PFKL: variants seen among roughly 807,000 people sequenced by gnomAD.
The protein encoded by PFKL is ATP-dependent 6-phosphofructokinase, liver type.
A neutral mutation model predicts 92.1 loss-of-function variants in PFKL; 74 were observed. That is an observed-to-expected ratio of 0.80 (90% confidence interval 0.67 to 0.97). The LOEUF (loss-of-function observed/expected upper bound fraction) is 0.97. PFKL is among the 50% of genes least tolerant of loss of function. The pLI is 0.00. For missense variants in PFKL, 1,028 were observed against 1,116.6 expected (o/e 0.92, Z 1.13); for synonymous variants, 494 against 456.4 (o/e 1.08, Z -1.05).
chr21:44,325,099 CG>C (rs1357976582), intron 18 of PFKL, 53 bp from the exon 19 acceptor site: 3 of 1,334,852 alleles, frequency 2.2e-6, no homozygotes, highest in Non-Finnish European at 3.2e-6. Flanking sequence ...GACTCAGGAT[CG>C]GGGGGAGACC....
Position 44,313,033 on chromosome 21 carries a change from A to T in PFKL, c.483A>T (p.Leu161=). ...ACTCGCACCTGAACATCGCGGGCCTAGTGGGCTCCATCGATAACGACTTCT... is the reference window on the plus strand; with the variant it reads ...ACTCGCACCTGAACATCGCGGGCCTTGTGGGCTCCATCGATAACGACTTCT... The part of the protein sequence containing the change: ...RTYSHLNIAG[L]VGSIDNDFCG... Residue 161 remains leucine, a synonymous_variant, in exon 5 of 22, where the codon CTA becomes CTT. Coordinates refer to ENST00000349048, the MANE Select transcript of PFKL (RefSeq NM_002626.6). The T allele has an allele frequency of 6.2e-7, 1 of 1,613,130 alleles. No homozygotes were observed. Among genetic ancestry groups the T allele is most frequent in the South Asian group, 1.1e-5 (1 of 91,074 alleles).
chr21:44,300,260 C>A (rs1342449868), intron 1 of PFKL, 70 bp downstream of exon 1: 2 of 752,744 alleles, frequency 2.7e-6, no homozygotes, highest in African/African-American at 1.9e-5. Flanking sequence ...CTCTCCGGAG[C>A]GCCCGCCGAG....
rs747204872 is a variant in PFKL at position 44,313,078 on chromosome 21, C to T, written c.528C>T (p.Ile176=). The change falls in exon 5 of 22, where the codon ATC becomes ATT. Residue 176 remains isoleucine, a synonymous_variant. Transcript: ENST00000349048. The part of the protein sequence containing the change: ...DNDFCGTDMT[I]GTDSALHRIM... ...ACTTCTGCGGCACCGACATGACCATCGGCACGGACTCGGCCCTCCACCGCA... is the reference window on the plus strand; with the variant it reads ...ACTTCTGCGGCACCGACATGACCATTGGCACGGACTCGGCCCTCCACCGCA... 13 of 1,613,182 alleles carry T rather than the reference C, an allele frequency of 8.1e-6. No homozygotes were observed. The highest frequency in any genetic ancestry group is 2.2e-5 in the South Asian group (2 of 91,090).
rs148331252 is a variant in PFKL, at chr21:44,321,741, C to T, written c.1204C>T (p.Leu402=). Residue 402 remains leucine, a synonymous_variant, in exon 13 of 22, where the codon CTG becomes TTG. Transcript: ENST00000349048. ...CTTCTCTCTGAAGTCTAACTTCTCCCTGGCCATCCTGAATGTGGGGGCCCC... is the reference window on the plus strand; with the variant it reads ...CTTCTCTCTGAAGTCTAACTTCTCCTTGGCCATCCTGAATGTGGGGGCCCC... The part of the protein sequence containing the change: ...KPPKEKSNFS[L]AILNVGAPAA... 3.0e-5 allele frequency: 47 copies of T among 1,577,868 alleles called. No homozygotes were observed. In the African/African-American group the frequency reaches 4.9e-4, roughly 16 times the overall value.
chr21:44,319,229 C>A, intron 10 of PFKL, 122 bp from the exon 11 acceptor site: 1 of 799,732 alleles, frequency 1.3e-6, no homozygotes, highest in Non-Finnish European at 2.1e-6. Flanking sequence ...GGCTGCCAGG[C>A]CTGGGCCAGG....
Position 44,307,166 on chromosome 21 carries a change from C to T in PFKL, c.159+412C>T, listed in dbSNP as rs562345944. The stretch of plus-strand genomic sequence containing the variant: ...GGCCAGGGACCTCACCGCCTCTGCC[C>T]TTGTCCTCCCCAGCCTCCTGCCTCA... On this transcript the variant is annotated intron_variant, in intron 2 of 21. Transcript: ENST00000349048. The T allele has an allele frequency of 5.6e-5, 30 of 535,946 alleles. No individual in the cohort carries two copies. In the African/African-American group the frequency reaches 5.7e-4, roughly 10 times the overall value. 33.2% of individuals were successfully genotyped at this position (535,946 alleles called of 1,614,324 possible).
Position 44,300,154 on chromosome 21 carries a change from G to C in PFKL, c.49G>C (p.Ala17Pro). The C allele has an allele frequency of 2.5e-6, 3 of 1,190,682 alleles. No homozygotes were observed. Among genetic ancestry groups the C allele is most frequent in the Non-Finnish European group, 3.2e-6 (3 of 947,118 alleles). 73.8% of individuals were successfully genotyped at this position (1,190,682 alleles called of 1,614,324 possible). A position where few individuals can be genotyped will look rare whatever the true frequency, so the allele number is the denominator to read the frequency against. ...EKLRASGAGK[A>P]IGVLTSGGDA... Reference sequence around the variant, plus strand: ...GCTGCGGGCGTCGGGCGCGGGCAAGGCCATCGGCGTCCTGACCAGCGGCGG... The same window carrying C: ...GCTGCGGGCGTCGGGCGCGGGCAAGCCCATCGGCGTCCTGACCAGCGGCGG... The change falls in exon 1 of 22, where the codon GCC becomes CCC. Residue 17 changes from alanine (A) to proline (P), a missense_variant. Transcript: ENST00000349048.
Position 44,316,524 on chromosome 21 carries a change from G to A in PFKL, c.936G>A (p.Leu312=), listed in dbSNP as rs1198346376. ...CGCCCTCTGCCTTCGACCGGATCCT[G>A]GTAAGTGGCCATCACCCTGCCCTGC... ...GGTPSAFDRI[L]SSKMGMEAVM... Residue 312 remains leucine (L), a splice_region_variant and synonymous_variant, in exon 9 of 22, where the codon CTG becomes CTA. Transcript: ENST00000349048. 2 of 1,590,166 alleles carry A rather than the reference G, an allele frequency of 1.3e-6. No homozygotes were observed. Among genetic ancestry groups the A allele is most frequent in the Non-Finnish European group, 8.6e-7 (1 of 1,165,918 alleles).
intron 1 of PFKL, 46 bp downstream of exon 1, chr21:44,300,236 G>GC: frequency 9.7e-6 from 9 of 926,774 alleles, no homozygotes; most frequent in Non-Finnish European, 1.0e-5. Flanking sequence ...GGTGGAGGGC[G>GC]CCTCCGCCCT....
Position 44,300,144 on chromosome 21 carries a change from C to T in PFKL, c.39C>T (p.Gly13=). The change falls in exon 1 of 22, where the codon GGC becomes GGT. Residue 13 remains glycine, a synonymous_variant. Coordinates refer to ENST00000349048, the MANE Select transcript of PFKL (RefSeq NM_002626.6). ...AVDLEKLRAS[G]AGKAIGVLTS... ...ACCTGGAGAAGCTGCGGGCGTCGGG[C>T]GCGGGCAAGGCCATCGGCGTCCTGA... 3 of 1,195,064 alleles carry T rather than the reference C, an allele frequency of 2.5e-6. No individual in the cohort carries two copies. Among genetic ancestry groups the T allele is most frequent in the Non-Finnish European group, 3.2e-6 (3 of 947,822 alleles). 74.0% of individuals were successfully genotyped at this position (1,195,064 alleles called of 1,614,324 possible).
At chr21:44,304,760 G>GCTGTCTTTCTGGGGGAGCTTGT in intron 1 of PFKL, among the ~76,000 whole-genome samples, 1 of 130,026 alleles carries the variant, frequency 7.7e-6, no homozygotes, top group Non-Finnish European at 1.6e-5. Flanking sequence ...GGGGGGCTCG[G>GCTGTCTTTCTGGGGGAGCTTGT]CTGTCTTTCT....
chr21:44,300,088 C>T lies in PFKL; in HGVS notation c.-18C>T, dbSNP rs1205936609. 141 of 1,115,734 alleles carry T rather than the reference C, an allele frequency of 1.3e-4. No homozygotes were observed. The highest frequency in any genetic ancestry group is 1.5e-4 in the Non-Finnish European group (138 of 903,604). The allele number at this position is 1,115,734 out of a possible 1,614,324, so 69.1% of individuals were successfully genotyped here. A position where few individuals can be genotyped will look rare whatever the true frequency, so the allele number is the denominator to read the frequency against. On this transcript the variant is annotated 5_prime_UTR_variant, in exon 1 of 22. Coordinates refer to ENST00000349048, the MANE Select transcript of PFKL (RefSeq NM_002626.6). ...AGGCGGCGGGAGTGCGAGCTGGGCC[C>T]GTGTTTCGGCCGCCGCCATGGCCGC...
chr21:44,320,745 C>G (rs1449131837), intron 12 of PFKL: 1 of 152,432 alleles, frequency 6.6e-6, no homozygotes, highest in Non-Finnish European at 1.5e-5. Flanking sequence ...TGTTCCCAAA[C>G]AGCTGAAAAC....
At chr21:44,323,624 T>G in intron 15 of PFKL, 142 bp from the exon 16 acceptor site, 2 of 803,262 alleles carry the variant, frequency 2.5e-6, no homozygotes, top group Non-Finnish European at 3.9e-6. Context: ...CCCAGGGGAT[T>G]GAGCAGGTGG....
chr21:44,313,067 G>A lies in PFKL; in HGVS notation c.517G>A (p.Asp173Asn), dbSNP rs1465411354. Residue 173 changes from aspartate to asparagine, a missense_variant, in exon 5 of 22, where the codon GAC becomes AAC. By Grantham distance (23) the Asp-to-Asn change is conservative. Coordinates refer to ENST00000349048, the MANE Select transcript of PFKL (RefSeq NM_002626.6). ...GSIDNDFCGTDMTIGTDSALH... is the reference protein window; with the variant it reads ...GSIDNDFCGTNMTIGTDSALH... ...CATCGATAACGACTTCTGCGGCACCGACATGACCATCGGCACGGACTCGGC... is the reference window on the plus strand; with the variant it reads ...CATCGATAACGACTTCTGCGGCACCAACATGACCATCGGCACGGACTCGGC... The A allele has an allele frequency of 3.7e-6, 6 of 1,613,190 alleles. No homozygotes were observed. The highest frequency in any genetic ancestry group is 4.2e-6 in the Non-Finnish European group (5 of 1,179,950).
chr21:44,300,415 C>T (rs553634465), intron 1 of PFKL, among the ~76,000 whole-genome samples: 1 of 152,060 alleles, frequency 6.6e-6, no homozygotes, highest in Non-Finnish European at 1.5e-5. Context: ...CCGCCTGGGT[C>T]TTGGCGCCGC....
chr21:44,305,236 C>A, intron 1 of PFKL: 1 of 1,294,738 alleles, frequency 7.7e-7, no homozygotes, highest in Non-Finnish European at 1.0e-6. Flanking sequence ...AACAGTGTGC[C>A]GATCCCTGGG....
rs1428064520 is a variant in PFKL at position 44,318,462 on chromosome 21, C to T, written c.937-8C>T. ...AGTGGGTGTGCCAGCCTGAACCCTTCCCCACAGAGCAGCAAGATGGGCATG... is the reference window on the plus strand; with the variant it reads ...AGTGGGTGTGCCAGCCTGAACCCTTTCCCACAGAGCAGCAAGATGGGCATG... On this transcript the variant is annotated splice_region_variant and splice_polypyrimidine_tract_variant and intron_variant, in intron 9 of 21. Transcript: ENST00000349048. 1.3e-6 allele frequency: 2 copies of T among 1,521,438 alleles called. No homozygotes were observed. Among genetic ancestry groups the T allele is most frequent in the South Asian group, 2.5e-5 (2 of 80,496 alleles). 94.2% of individuals were successfully genotyped at this position (1,521,438 alleles called of 1,614,324 possible).
At chr21:44,302,390 G>A (rs1380119402) in intron 1 of PFKL, among the ~76,000 whole-genome samples, 45 of 152,210 alleles carry the variant, frequency 3.0e-4, no homozygotes, top group Admixed American at 2.9e-3. Context: ...CGAGTAGGAT[G>A]GGAGGAACTG....
Sources: gnomAD v4.1 joint callset for allele counts (sites outside exome capture counted in the v4.1 genomes callset) on GRCh38, gnomAD v4.1.1 for gene constraint, MANE v1.5 for transcripts, NCBI Gene and HGNC (gene_info 2026-07-23, HGNC 2026-07-21) for gene names.